The following SYNM variants were observed in gnomAD, a reference collection of about 807,000 sequenced individuals.
SYNM encodes the protein synemin.
A neutral mutation model predicts 104.0 loss-of-function variants in SYNM; 95 were observed. The observed-to-expected ratio is 0.91, with a 90% CI of 0.77 to 1.08. SYNM has a LOEUF of 1.08. Among genes scored for constraint, SYNM ranks in the 50% least tolerant of loss-of-function variants. The pLI, the probability that SYNM is intolerant of heterozygous loss-of-function variation, is 0.00. For missense variants in SYNM, 2,150 were observed against 2,052.2 expected (o/e 1.05, Z -0.92); for synonymous variants, 918 against 869.0 (o/e 1.06, Z -0.99).
chr15:99,114,003 C>G (rs2067323594), intron 2 of SYNM, among the ~76,000 whole-genome samples: 1 of 138,802 alleles, frequency 7.2e-6, no homozygotes. Flanking sequence ...TCACACATGT[C>G]AACGTGTTGG....
In SYNM at chr15:99,131,081, G is replaced by C. The variant is rs2067500033; in HGVS notation, c.2721G>C (p.Trp907Cys). The change falls in exon 4 of 4, where the codon TGG (tryptophan) becomes TGC (cysteine). Residue 907 changes from tryptophan to cysteine, a missense_variant. Coordinates refer to ENST00000336292, the MANE Select transcript of SYNM (RefSeq NM_145728.3). This position sits in a 1 kb window ranked among gnomAD's most constrained non-coding sequence, Gnocchi z 4.3. ...SLEGDLGSTH[W>C]KEQARSGEFH... ...AGGGGGACCTGGGTTCCACTCACTGGAAAGAACAAGCTAGAAGCGGTGAAT... is the reference window on the plus strand; with the variant it reads ...AGGGGGACCTGGGTTCCACTCACTGCAAAGAACAAGCTAGAAGCGGTGAAT... 1 of 1,605,202 alleles carries C rather than the reference G, an allele frequency of 6.2e-7. No individual in the cohort carries two copies. Among genetic ancestry groups the C allele is most frequent in the Non-Finnish European group, 8.5e-7 (1 of 1,175,676 alleles).
intron 2 of SYNM, among the ~76,000 whole-genome samples, chr15:99,120,801 G>A (rs568222745): frequency 3.9e-5 from 6 of 152,166 alleles, no homozygotes; most frequent in African/African-American, 9.7e-5. Context: ...CTTGAAAGAC[G>A]GGGAAGTGTG....
Position 99,129,772 on chromosome 15 carries a change from C to T in SYNM, c.1412C>T (p.Ser471Leu), listed in dbSNP as rs564598837. Residue 471 changes from serine to leucine, a missense_variant, in exon 4 of 4, where the codon TCG (serine) becomes TTG (leucine). Coordinates refer to ENST00000336292, the MANE Select transcript of SYNM (RefSeq NM_145728.3). ...IGEDSTIARE[S>L]YRDRRDKVAA... is the part of the protein sequence containing the mutation. ...GAAGATTCCACAATTGCCCGCGAGT[C>T]GTACCGGGATCGCCGAGACAAGGTG... is the stretch of plus-strand genomic sequence containing the variant. 1.6e-5 allele frequency: 26 copies of T among 1,613,484 alleles called. No homozygotes were observed. The highest frequency in any genetic ancestry group is 1.2e-4 in the Admixed American group (7 of 60,006).
chr15:99,126,664 G>A (rs909374748), intron 2 of SYNM, 58 bp from the exon 3 acceptor site: 7 of 1,477,690 alleles, frequency 4.7e-6, no homozygotes, highest in Non-Finnish European at 6.5e-6. Context: ...CGTTTTATTA[G>A]AGGCACTTCT....
Position 99,133,352 on chromosome 15 carries a change from G to A in SYNM, c.*294G>A. 2.6e-6 allele frequency: 1 copy of A among 382,324 alleles called. No individual in the cohort carries two copies. Among genetic ancestry groups the A allele is most frequent in the Non-Finnish European group, 4.7e-6 (1 of 213,668 alleles). The allele number at this position is 382,324 out of a possible 1,614,324, so 23.7% of individuals were successfully genotyped here. A position where few individuals can be genotyped will look rare whatever the true frequency, so the allele number is the denominator to read the frequency against. ...AGATGAATTTCTATGTTTTGCACCT[G>A]GTCACAGACATGGCTTGCATCTGTT... On this transcript the variant is annotated 3_prime_UTR_variant, in exon 4 of 4. Coordinates refer to ENST00000336292, the MANE Select transcript of SYNM (RefSeq NM_145728.3).
At chr15:99,120,578 C>T (rs781896533) in intron 2 of SYNM, among the ~76,000 whole-genome samples, 20 of 152,108 alleles carry the variant, frequency 1.3e-4, no homozygotes, top group Admixed American at 1.2e-3. Context: ...ATGCAGGATA[C>T]GATGCTGGGT....
At chr15:99,110,351 C>T (rs1043978116) in intron 1 of SYNM, among the ~76,000 whole-genome samples, 3 of 152,116 alleles carry the variant, frequency 2.0e-5, no homozygotes, top group Non-Finnish European at 4.4e-5. Context: ...CGCTTTACTG[C>T]GGGGCATTGG....
Position 99,131,578 on chromosome 15 carries a change from T to G in SYNM, c.3218T>G (p.Leu1073Arg). The G allele has an allele frequency of 6.2e-7, 1 of 1,609,720 alleles. No homozygotes were observed. The highest frequency in any genetic ancestry group is 8.5e-7 in the Non-Finnish European group (1 of 1,179,682). Residue 1073 changes from leucine (L) to arginine (R), a missense_variant, in exon 4 of 4, where the codon CTG (leucine) becomes CGG (arginine). By Grantham distance (102) the Leu-to-Arg change is moderately radical (BLOSUM62 -2). Coordinates refer to ENST00000336292, the MANE Select transcript of SYNM (RefSeq NM_145728.3). This position sits in a 1 kb window ranked among gnomAD's most constrained non-coding sequence, Gnocchi z 4.3. ...TTTAGGCGTTGGGCCACCCGGGAGCTGTACATCCCTTCAGGCGAGAGCGAG... is the reference window on the plus strand; with the variant it reads ...TTTAGGCGTTGGGCCACCCGGGAGCGGTACATCCCTTCAGGCGAGAGCGAG... ...IRFRRWATRE[L>R]YIPSGESEVA...
At chr15:99,137,152 C>T (rs3743241), downstream of SYNM, 12,093 of 152,408 alleles carry the variant, frequency 0.079, 516 homozygotes, top group Admixed American at 0.12. Context: ...TGGATCTCCT[C>T]GTTGACATCG....
chr15:99,133,022 CAAT>C lies in SYNM; in HGVS notation c.4663_4665del (p.Asn1555del), dbSNP rs1390868442. On this transcript the variant is annotated inframe_deletion, in exon 4 of 4. Coordinates refer to ENST00000336292, the MANE Select transcript of SYNM (RefSeq NM_145728.3). ...AGAAAGTTGCCCTCCTCTATCTAGA[CAAT>C]GAGGAGGAGGAGAATGATGGGCATT... 2 of 1,613,792 alleles carry C rather than the reference CAAT, an allele frequency of 1.2e-6. No homozygotes were observed. Among genetic ancestry groups the C allele is most frequent in the Non-Finnish European group, 1.7e-6 (2 of 1,179,864 alleles).
rs370961392 is a variant in SYNM at position 99,131,458 on chromosome 15, C to T, written c.3098C>T (p.Ser1033Leu). 7.7e-5 allele frequency: 123 copies of T among 1,606,708 alleles called. No homozygotes were observed. In the Admixed American group the frequency reaches 1.3e-3, roughly 17 times the overall value. Residue 1033 changes from serine to leucine, a missense_variant, in exon 4 of 4, where the codon TCG becomes TTG. By Grantham distance (145) the Ser-to-Leu change is moderately radical. Transcript: ENST00000336292. The surrounding 1 kb of genome is among the most constrained non-coding windows in gnomAD (Gnocchi z 4.3). ...EASEMEKAVESVVRESLSRQR... is the reference protein window; with the variant it reads ...EASEMEKAVELVVRESLSRQR... Reference sequence around the variant, plus strand: ...AGTGAGATGGAGAAGGCTGTGGAGTCGGTGGTTCGGGAGAGCCTGAGCAGG... The same window carrying T: ...AGTGAGATGGAGAAGGCTGTGGAGTTGGTGGTTCGGGAGAGCCTGAGCAGG...
intron 2 of SYNM, among the ~76,000 whole-genome samples, chr15:99,126,394 A>C (rs1259168895): frequency 1.3e-5 from 2 of 152,172 alleles, no homozygotes; most frequent in Non-Finnish European, 2.9e-5. Context: ...CCCTGGACTG[A>C]GAAAGCTTTC....
intron 2 of SYNM, 79 bp from the exon 3 acceptor site, chr15:99,126,643 A>G: frequency 7.4e-7 from 1 of 1,357,886 alleles, no homozygotes; most frequent in South Asian, 1.3e-5. Context: ...CATTGGCCGC[A>G]TACCACGATA....
chr15:99,130,767 C>A lies in SYNM; in HGVS notation c.2407C>A (p.Arg803=), dbSNP rs782473807. 1.2e-6 allele frequency: 2 copies of A among 1,613,850 alleles called. No homozygotes were observed. Among genetic ancestry groups the A allele is most frequent in the Non-Finnish European group, 1.7e-6 (2 of 1,179,874 alleles). The change falls in exon 4 of 4, where the codon CGA becomes AGA. Residue 803 remains arginine (R), a synonymous_variant. Transcript: ENST00000336292. ...SDVTFSVNQH[R]RTKQPQENTT... ...TGTCACATTCTCAGTTAATCAGCAT[C>A]GAAGGACCAAGCAGCCTCAGGAGAA...
Position 99,113,450 on chromosome 15 carries a change from A to G in SYNM, c.811-141A>G, listed in dbSNP as rs552973695. The stretch of plus-strand genomic sequence containing the variant: ...TGGAAACCATCCTGCAAGTGACTGC[A>G]TGTTTAATAACGCCGGGTGTTTTTC... On this transcript the variant is annotated intron_variant, in intron 1 of 3. Transcript: ENST00000336292. The G allele has an allele frequency of 3.6e-5, 37 of 1,038,716 alleles. No individual in the cohort carries two copies. The East Asian group carries it at 8.0e-4, about 23-fold the overall frequency. The allele number at this position is 1,038,716 out of a possible 1,614,324, so 64.3% of individuals were successfully genotyped here. A position where few individuals can be genotyped will look rare whatever the true frequency, so the allele number is the denominator to read the frequency against.
chr15:99,123,302 G>GTTT (rs1228353805), intron 2 of SYNM, among the ~76,000 whole-genome samples: 3 of 69,864 alleles, frequency 4.3e-5, no homozygotes, highest in Admixed American at 1.2e-4. Flanking sequence ...TTGATTATCT[G>GTTT]GTTTTTTTTT....
intron 1 of SYNM, among the ~76,000 whole-genome samples, chr15:99,107,435 T>C (rs1567273163): frequency 6.6e-6 from 1 of 152,214 alleles, no homozygotes; most frequent in East Asian, 1.9e-4. Flanking sequence ...TCAAACCTAC[T>C]GCCCAGGGAA....
chr15:99,118,812 C>T (rs964403898), intron 2 of SYNM, among the ~76,000 whole-genome samples: 3 of 152,216 alleles, frequency 2.0e-5, no homozygotes, highest in South Asian at 2.1e-4. Flanking sequence ...GCTGGCAGCT[C>T]GCCTGGCAGG....
intron 3 of SYNM, among the ~76,000 whole-genome samples, chr15:99,128,158 G>A (rs369982026): frequency 1.3e-5 from 2 of 152,154 alleles, no homozygotes; most frequent in African/African-American, 2.4e-5. Flanking sequence ...TTTATTAGAC[G>A]TTGAGCTTCT....
Sources: gnomAD v4.1 joint callset for allele counts (sites outside exome capture counted in the v4.1 genomes callset) on GRCh38, gnomAD v4.1.1 for gene constraint, Gnocchi (gnomAD v3.1) non-coding constraint, MANE v1.5 for transcripts, NCBI Gene and HGNC (gene_info 2026-07-23, HGNC 2026-07-21) for gene names.